The following CAMKMT variants were observed in gnomAD, a reference collection of about 807,000 sequenced individuals.
The protein encoded by CAMKMT is CaM KMT.
In CAMKMT, 53 loss-of-function variants were observed where a neutral mutation model predicts 48.0. That is an observed-to-expected ratio of 1.10 (90% CI 0.89 to 1.39). The LOEUF is 1.39. CAMKMT is among the 40% of genes most tolerant of loss of function. CAMKMT has a pLI of 0.00. For synonymous variants in CAMKMT, 165 were observed against 152.3 expected, an observed-to-expected ratio of 1.08 and a Z score of -0.61; for missense variants, 428 against 402.7, an observed-to-expected ratio of 1.06 and a Z score of -0.54.
chr2:44,683,161 G>A (rs1676118032), intron 3 of CAMKMT, among the ~76,000 whole-genome samples: 1 of 152,124 alleles, frequency 6.6e-6, no homozygotes, highest in African/African-American at 2.4e-5. Context: ...CAGTGTATTG[G>A]AGCATGGAAA....
At chr2:44,612,988 A>G (rs1363455879) in intron 3 of CAMKMT, among the ~76,000 whole-genome samples, 2 of 152,162 alleles carry the variant, frequency 1.3e-5, no homozygotes, top group Non-Finnish European at 2.9e-5. Context: ...TTCCAGATAC[A>G]TTGTCTGGCA....
In CAMKMT at chr2:44,740,034, G is replaced by C. The variant is rs533538367; in HGVS notation, c.624-3588G>C. Among the ~76,000 whole-genome samples, 3 of 151,988 alleles carry C rather than the reference G, an allele frequency of 2.0e-5. No individual in the cohort carries two copies. The East Asian group carries it at 5.8e-4, about 29-fold the overall frequency. ...GTATAGATAGTTCATCTATGGTAAT[G>C]GGCAGGAAGGCAGAATGTGTAGATG... On this transcript the variant is annotated intron_variant, in intron 7 of 10. Transcript: ENST00000378494.
intron 8 of CAMKMT, among the ~76,000 whole-genome samples, chr2:44,746,010 G>T (rs1679902178): frequency 6.6e-6 from 1 of 152,152 alleles, no homozygotes; most frequent in Non-Finnish European, 1.5e-5. Context: ...CACTGGGGAG[G>T]AAAAGAAAGC....
chr2:44,640,519 C>T (rs1269088489), intron 3 of CAMKMT, among the ~76,000 whole-genome samples: 2 of 152,144 alleles, frequency 1.3e-5, no homozygotes, highest in Admixed American at 1.3e-4. Context: ...ATGGTTTGTC[C>T]AAGTTACCTA....
intron 3 of CAMKMT, among the ~76,000 whole-genome samples, chr2:44,652,381 C>T (rs1460689746): frequency 6.6e-6 from 1 of 152,192 alleles, no homozygotes; most frequent in Non-Finnish European, 1.5e-5. Flanking sequence ...TGGGGCACCC[C>T]TAGCATGTTT....
In CAMKMT at chr2:44,755,918, A is replaced by G. The variant is rs115608148; in HGVS notation, c.762+1800A>G. ...GGCCAAGTCAGAGGGGCTCACACTA[A>G]CCTGTAGCATTAGAATGGCAGTGGG... On this transcript the variant is annotated intron_variant, in intron 9 of 10. Coordinates refer to ENST00000378494, the MANE Select transcript of CAMKMT (RefSeq NM_024766.5). 5.4e-3 allele frequency among the ~76,000 whole-genome samples: 820 copies of G among 152,162 alleles called. 5 individuals are homozygous for G. The highest frequency in any genetic ancestry group is 0.019 in the African/African-American group (773 of 41,508).
chr2:44,495,340 T>G (rs957229580), intron 3 of CAMKMT, among the ~76,000 whole-genome samples: 2 of 151,996 alleles, frequency 1.3e-5, no homozygotes, highest in Admixed American at 1.3e-4. Flanking sequence ...GTCAGGATCT[T>G]GCTATGGTGC....
intron 3 of CAMKMT, among the ~76,000 whole-genome samples, chr2:44,440,002 A>C (rs1479852042): frequency 3.3e-5 from 5 of 152,158 alleles, no homozygotes. Context: ...CAAGCCTCTC[A>C]TCTTTTCTGA....
intron 3 of CAMKMT, among the ~76,000 whole-genome samples, chr2:44,430,893 T>C (rs1353211363): frequency 6.6e-6 from 1 of 152,230 alleles, no homozygotes; most frequent in Non-Finnish European, 1.5e-5. Context: ...AATGTTAAAT[T>C]AGTAAAGATT....
intron 3 of CAMKMT, among the ~76,000 whole-genome samples, chr2:44,648,606 C>T (rs761499597): frequency 6.6e-6 from 1 of 152,110 alleles, no homozygotes; most frequent in East Asian, 1.9e-4. Flanking sequence ...CTTTTAAAGA[C>T]CATACACAGG....
Position 44,705,353 on chromosome 2 carries a change from C to T in CAMKMT, c.438-934C>T, listed in dbSNP as rs139060638. 1.0e-4 allele frequency: 102 copies of T among 985,336 alleles called. 1 individual carries two copies. The African/African-American group carries it at 1.7e-3, about 17-fold the overall frequency. 61.0% of individuals were successfully genotyped at this position (985,336 alleles called of 1,614,324 possible). A position where few individuals can be genotyped will look rare whatever the true frequency, so the allele number is the denominator to read the frequency against. On this transcript the variant is annotated intron_variant, in intron 4 of 10. Transcript: ENST00000378494. ...TCCCAAACTGGGAAGAGGAAACAAT[C>T]CTAAGAGTCTAAGCATATAAATAAG...
At chr2:44,636,162 A>G (rs371215178) in intron 3 of CAMKMT, among the ~76,000 whole-genome samples, 1 of 152,202 alleles carries the variant, frequency 6.6e-6, no homozygotes, top group Non-Finnish European at 1.5e-5. Flanking sequence ...GTGGAGAAAT[A>G]AAGGTGGGGC....
At chr2:44,580,989 A>T (rs1459336005) in intron 3 of CAMKMT, among the ~76,000 whole-genome samples, 1 of 151,970 alleles carries the variant, frequency 6.6e-6, no homozygotes, top group Non-Finnish European at 1.5e-5. Flanking sequence ...TGCTGGTGGG[A>T]TTATTACTCA....
chr2:44,573,372 A>G (rs1370086635), intron 3 of CAMKMT, among the ~76,000 whole-genome samples: 11 of 151,468 alleles, frequency 7.3e-5, no homozygotes, highest in Admixed American at 7.2e-4. Context: ...CTCCCTTCCT[A>G]TAGGTTGCTT....
chr2:44,743,639 A>T lies in CAMKMT; in HGVS notation c.641A>T (p.Asn214Ile). Residue 214 changes from asparagine to isoleucine, a missense_variant, in exon 8 of 11, where the codon AAT becomes ATT. Coordinates refer to ENST00000378494, the MANE Select transcript of CAMKMT (RefSeq NM_024766.5). ...KISSCVLRWD[N>I]ETDVSQLEGH... ...TCCTCAAGCGTTTTACGATGGGATA[A>T]TGAGACAGATGTCTCTCAACTGGAA... is the stretch of plus-strand genomic sequence containing the variant. The T allele has an allele frequency of 3.7e-6, 6 of 1,613,094 alleles. No individual in the cohort carries two copies. The highest frequency in any genetic ancestry group is 5.1e-6 in the Non-Finnish European group (6 of 1,179,328).
At chr2:44,474,719 A>G (rs1023407033) in intron 3 of CAMKMT, among the ~76,000 whole-genome samples, 2 of 152,180 alleles carry the variant, frequency 1.3e-5, no homozygotes, top group African/African-American at 4.8e-5. Flanking sequence ...CTTCCTCACT[A>G]TGCCAGACCA....
chr2:44,455,344 T>C (rs1356558089), intron 3 of CAMKMT, among the ~76,000 whole-genome samples: 6 of 152,150 alleles, frequency 3.9e-5, no homozygotes, highest in Non-Finnish European at 8.8e-5. Flanking sequence ...ACTACATTTT[T>C]CTTTCTGCTT....
intron 3 of CAMKMT, among the ~76,000 whole-genome samples, chr2:44,472,455 A>G (rs1668471133): frequency 6.6e-6 from 1 of 152,222 alleles, no homozygotes; most frequent in Non-Finnish European, 1.5e-5. Flanking sequence ...GTGAGGCTCA[A>G]TCTAATAACT....
intron 3 of CAMKMT, among the ~76,000 whole-genome samples, chr2:44,487,262 T>C (rs745507713): frequency 3.3e-5 from 5 of 152,212 alleles, no homozygotes; most frequent in Non-Finnish European, 5.9e-5. Flanking sequence ...CAGCTTTTTT[T>C]TTTCTGATAA....
Sources: allele counts gnomAD v4.1 joint callset (sites outside exome capture counted in the v4.1 genomes callset), GRCh38; gene constraint gnomAD v4.1.1; transcripts MANE v1.5; gene names NCBI Gene and HGNC (gene_info 2026-07-23, HGNC 2026-07-21).